SYTL3: variants seen among roughly 807,000 people sequenced by gnomAD.
SYTL3 encodes synaptotagmin like 3, also known as synaptotagmin-like protein 3.
SYTL3 carries 88 observed loss-of-function variants against 82.1 expected under a neutral mutation model. The observed-to-expected ratio is 1.07, with a 90% confidence interval of 0.90 to 1.28. The LOEUF (loss-of-function observed/expected upper bound fraction) is 1.28, where lower values mean the gene tolerates loss of function less well. Ranked by LOEUF, SYTL3 falls within the 50% of genes most tolerant of loss-of-function variation. The probability of loss-of-function intolerance (pLI) is 0.00; values close to 1 mark genes in which losing one functional copy is unlikely to be tolerated. For synonymous variants in SYTL3, 311 were observed against 289.4 expected (o/e 1.07, Z -0.76); for missense variants, 831 against 757.6 (o/e 1.10, Z -1.14).
chr6:158,737,000 CTATATGT>C (rs1562443959), intron 11 of SYTL3, among the ~76,000 whole-genome samples: 1 of 146,948 alleles, frequency 6.8e-6, no homozygotes. Flanking sequence ...TTGTTTAATC[CTATATGT>C]TATATGTACT....
At chr6:158,710,534 A>C (rs1330106895) in intron 8 of SYTL3, among the ~76,000 whole-genome samples, 1 of 152,034 alleles carries the variant, frequency 6.6e-6, no homozygotes, top group Non-Finnish European at 1.5e-5. Flanking sequence ...AAAATGCATA[A>C]CACAAATTAA....
chr6:158,758,041 G>A (rs146959209), intron 14 of SYTL3, among the ~76,000 whole-genome samples: 1 of 152,152 alleles, frequency 6.6e-6, no homozygotes, highest in African/African-American at 2.4e-5. Flanking sequence ...AGCATTTCTC[G>A]GAGACGCTGC....
chr6:158,713,924 A>G, intron 9 of SYTL3, 46 bp downstream of exon 9: 1 of 1,441,140 alleles, frequency 6.9e-7, no homozygotes, highest in Non-Finnish European at 9.5e-7. Flanking sequence ...CTTCCAGGCC[A>G]GCCGAGCCCA....
chr6:158,726,357 A>G, intron 11 of SYTL3: 1 of 313,012 alleles, frequency 3.2e-6, no homozygotes, highest in Middle Eastern at 4.4e-4. Context: ...ATGAACTTGT[A>G]GGCTTTGTTT....
chr6:158,734,617 G>GCCACCT (rs1785893495), intron 11 of SYTL3, among the ~76,000 whole-genome samples: 1 of 151,968 alleles, frequency 6.6e-6, no homozygotes, highest in African/African-American at 2.4e-5. Flanking sequence ...TTTGTTCCAA[G>GCCACCT]CCACCTTCTC....
In SYTL3 at chr6:158,762,280, C is replaced by T. The variant is rs975750797; in HGVS notation, c.1517+102C>T. On this transcript the variant is annotated intron_variant, in intron 16 of 17. Coordinates refer to ENST00000611299, the MANE Select transcript of SYTL3 (RefSeq NM_001242394.2). ...ACTAAAAAACGTAAGCCACTTAAAACGTCTTATTTTAGCTTTCCTATGAAA... is the reference window on the plus strand; with the variant it reads ...ACTAAAAAACGTAAGCCACTTAAAATGTCTTATTTTAGCTTTCCTATGAAA... The T allele has an allele frequency of 4.4e-5, 35 of 804,230 alleles. No individual in the cohort carries two copies. The Admixed American group carries it at 6.3e-4, about 14-fold the overall frequency. 49.8% of individuals were successfully genotyped at this position (804,230 alleles called of 1,614,324 possible).
intron 12 of SYTL3, among the ~76,000 whole-genome samples, chr6:158,750,678 C>G (rs1367722923): frequency 6.6e-6 from 1 of 152,110 alleles, no homozygotes; most frequent in Non-Finnish European, 1.5e-5. Context: ...CCACCACACC[C>G]AGTTGACTTT....
intron 12 of SYTL3, among the ~76,000 whole-genome samples, chr6:158,749,239 A>G (rs1788050299): frequency 6.6e-6 from 1 of 151,390 alleles, no homozygotes; most frequent in Non-Finnish European, 1.5e-5. Context: ...AATAATAAAT[A>G]AAAATTAGCC....
At chr6:158,713,904 T>C in intron 9 of SYTL3, 26 bp downstream of exon 9, 2 of 1,522,882 alleles carry the variant, frequency 1.3e-6, no homozygotes, top group South Asian at 2.4e-5. Context: ...ATGATGTGTT[T>C]TCCCACTACC....
chr6:158,724,244 A>G (rs1164541851), intron 10 of SYTL3, among the ~76,000 whole-genome samples: 1 of 152,316 alleles, frequency 6.6e-6, no homozygotes, highest in African/African-American at 2.4e-5. Context: ...AGAATTTAGC[A>G]TAGTGCTGTG....
intron 9 of SYTL3, among the ~76,000 whole-genome samples, chr6:158,715,004 C>T (rs1175016118): frequency 2.0e-5 from 3 of 152,130 alleles, no homozygotes; most frequent in Admixed American, 1.3e-4. Flanking sequence ...TTGCTAAGAG[C>T]GTTTGGTGGC....
chr6:158,711,223 A>G (rs1346256276), intron 8 of SYTL3, among the ~76,000 whole-genome samples: 3 of 152,174 alleles, frequency 2.0e-5, no homozygotes, highest in African/African-American at 2.4e-5. Flanking sequence ...AAATAACCTT[A>G]TACTCATATC....
At chr6:158,693,030 G>T (rs548684754) in intron 6 of SYTL3, among the ~76,000 whole-genome samples, 2 of 151,854 alleles carry the variant, frequency 1.3e-5, no homozygotes. Context: ...TCTCCTCTCC[G>T]TTGGTTTGCT....
At chr6:158,763,063 A>T (rs1390114455) in intron 16 of SYTL3, among the ~76,000 whole-genome samples, 2 of 152,194 alleles carry the variant, frequency 1.3e-5, no homozygotes. Context: ...CCCAAGGAGG[A>T]AAGATTAAGA....
chr6:158,745,433 G>C, intron 11 of SYTL3, 47 bp from the exon 12 acceptor site: 1 of 1,523,184 alleles, frequency 6.6e-7, no homozygotes, highest in Non-Finnish European at 8.9e-7. Flanking sequence ...CATCAAAAAA[G>C]TGAATTAACT....
intron 6 of SYTL3, among the ~76,000 whole-genome samples, chr6:158,692,453 A>G (rs1780012259): frequency 6.6e-6 from 1 of 152,044 alleles, no homozygotes; most frequent in Non-Finnish European, 1.5e-5. Context: ...ATTGTATCTT[A>G]TAATTATGAA....
In SYTL3 at chr6:158,657,282, C is replaced by T. The variant is rs1328207051; in HGVS notation, c.-636-3987C>T. ...CTCTACTAAAAATACAAAAATTAGCCGTGTGTGATGGCGCGTGCCTGTAAT... is the reference window on the plus strand; with the variant it reads ...CTCTACTAAAAATACAAAAATTAGCTGTGTGTGATGGCGCGTGCCTGTAAT... On this transcript the variant is annotated intron_variant, in intron 2 of 17. Coordinates refer to ENST00000611299, the MANE Select transcript of SYTL3 (RefSeq NM_001242394.2). Among the ~76,000 whole-genome samples the T allele has an allele frequency of 2.6e-5, 4 of 151,708 alleles. No homozygotes were observed. The South Asian group carries it at 8.3e-4, about 32-fold the overall frequency.
intron 14 of SYTL3, among the ~76,000 whole-genome samples, chr6:158,758,272 C>T (rs1789412345): frequency 6.6e-6 from 1 of 152,046 alleles, no homozygotes; most frequent in African/African-American, 2.4e-5. Context: ...AACCCCGTCT[C>T]TCTAAAAATA....
chr6:158,707,276 G>T lies in SYTL3; in HGVS notation c.441G>T (p.Lys147Asn), dbSNP rs548805403. Residue 147 changes from lysine (K) to asparagine (N), a missense_variant, in exon 7 of 18, where the codon AAG becomes AAT. By Grantham distance (94) the Lys-to-Asn change is moderately conservative (BLOSUM62 0). Transcript: ENST00000611299. ...GGCAGCTCTTGCAATCTTATCAGAA[G>T]CTGAGGTGAGTGTTACAAAGGACAG... is the stretch of plus-strand genomic sequence containing the variant. Reference protein sequence around the residue: ...VGGQLLQSYQKLSKISVVPPT... With the variant: ...VGGQLLQSYQNLSKISVVPPT... 14 of 1,613,706 alleles carry T rather than the reference G, an allele frequency of 8.7e-6. No homozygotes were observed. The highest frequency in any genetic ancestry group is 4.0e-5 in the African/African-American group (3 of 74,926).
Sources: gnomAD v4.1 joint callset for allele counts (sites outside exome capture counted in the v4.1 genomes callset) on GRCh38, gnomAD v4.1.1 for gene constraint, MANE v1.5 for transcripts, NCBI Gene and HGNC (gene_info 2026-07-23, HGNC 2026-07-21) for gene names.